BCAS3: variants seen among roughly 807,000 people sequenced by gnomAD.
The protein encoded by BCAS3 is BCAS3 microtubule associated cell migration factor, also known as BCAS4/BCAS3 fusion.
BCAS3 carries 53 observed loss-of-function variants against 116.1 expected under a neutral mutation model. The ratio of observed to expected loss-of-function variants is 0.46; its 90% CI spans 0.37 to 0.57. The LOEUF (loss-of-function observed/expected upper bound fraction) is 0.57. BCAS3 is among the 20% of genes least tolerant of loss of function. The probability of loss-of-function intolerance (pLI) is 0.00; values close to 1 mark genes in which losing one functional copy is unlikely to be tolerated. For synonymous variants in BCAS3, 391 were observed against 408.2 expected (o/e 0.96, Z 0.51); for missense variants, 917 against 1,165.4 (o/e 0.79, Z 3.10).
At chr17:60,946,369 A>C (rs2060496574) in intron 13 of BCAS3, among the ~76,000 whole-genome samples, 1 of 152,218 alleles carries the variant, frequency 6.6e-6, no homozygotes, top group Admixed American at 6.5e-5. Context: ...TGAAACTTTT[A>C]CAAGGAAAGA....
rs1460121765 is a variant in BCAS3 at position 61,276,036 on chromosome 17, A to G, written c.2426-92291A>G. ...GCAACCTATTTTGCAAGGTTGTAGG[A>G]TATACTATCAGTATATAAAAATCAC... is the stretch of plus-strand genomic sequence containing the variant. On this transcript the variant is annotated intron_variant, in intron 22 of 23. Coordinates refer to ENST00000407086, the MANE Select transcript of BCAS3 (RefSeq NM_017679.5). The surrounding 1 kb of genome is among the most constrained non-coding windows in gnomAD (Gnocchi z 4.2). Among the ~76,000 whole-genome samples the G allele has an allele frequency of 1.3e-5, 2 of 152,146 alleles. No homozygotes were observed. Among genetic ancestry groups the G allele is most frequent in the Non-Finnish European group, 2.9e-5 (2 of 68,022 alleles).
At chr17:61,101,835 T>C (rs1055876343) in intron 22 of BCAS3, among the ~76,000 whole-genome samples, 4 of 152,156 alleles carry the variant, frequency 2.6e-5, no homozygotes, top group Admixed American at 6.5e-5. Flanking sequence ...GATATGAAAG[T>C]ATACCCATTA....
At chr17:61,221,965 A>T (rs1427493822) in intron 22 of BCAS3, among the ~76,000 whole-genome samples, 1 of 152,226 alleles carries the variant, frequency 6.6e-6, no homozygotes, top group Non-Finnish European at 1.5e-5. Flanking sequence ...ATTAAATAAG[A>T]TAATGCAGTA....
intron 22 of BCAS3, among the ~76,000 whole-genome samples, chr17:61,240,189 A>G (rs563588006): frequency 6.6e-6 from 1 of 152,332 alleles, no homozygotes; most frequent in South Asian, 2.1e-4. Context: ...TAGGCACTCT[A>G]CAGACATAAT....
chr17:60,707,705 TAAAATAAC>T (rs1208670633), intron 4 of BCAS3, among the ~76,000 whole-genome samples: 7 of 152,032 alleles, frequency 4.6e-5, no homozygotes, highest in Admixed American at 6.6e-5. Context: ...TTTTTAAAAA[TAAAATAAC>T]TATTGCATTT....
rs10671633 is a variant in BCAS3, at chr17:61,095,844, T to TACAC, written c.2425+11306_2425+11309dup. On this transcript the variant is annotated intron_variant, in intron 22 of 23. Coordinates refer to ENST00000407086, the MANE Select transcript of BCAS3 (RefSeq NM_017679.5). The surrounding 1 kb of genome is among the most constrained non-coding windows in gnomAD (Gnocchi z 4.7). ...AAAACCACTGGTATGCATATTCTCG[T>TACAC]ACACACACACACACACACACACACA... Among the ~76,000 whole-genome samples the TACAC allele has an allele frequency of 4.3e-3, 626 of 146,334 alleles. 1 individual carries two copies. Among genetic ancestry groups the TACAC allele is most frequent in the Middle Eastern group, 7.0e-3 (2 of 284 alleles).
At chr17:60,765,750 T>G (rs913218019) in intron 6 of BCAS3, among the ~76,000 whole-genome samples, 1 of 152,222 alleles carries the variant, frequency 6.6e-6, no homozygotes, top group Non-Finnish European at 1.5e-5. Flanking sequence ...CTTGCTATGT[T>G]GGGGGAGTTC....
chr17:60,724,762 T>C (rs1426387965), intron 5 of BCAS3, among the ~76,000 whole-genome samples: 1 of 151,872 alleles, frequency 6.6e-6, no homozygotes, highest in Non-Finnish European at 1.5e-5. Flanking sequence ...GGTTGTTGTT[T>C]TTACCTTTAG....
In BCAS3 at chr17:61,285,386, T is replaced by C. The variant is rs2051667780; in HGVS notation, c.2426-82941T>C. Among the ~76,000 whole-genome samples, 1 of 152,154 alleles carries C rather than the reference T, an allele frequency of 6.6e-6. No homozygotes were observed. Among genetic ancestry groups the C allele is most frequent in the South Asian group, 2.1e-4 (1 of 4,824 alleles). ...ACATAACTTCCAGGTCTGAATACTT[T>C]GTTTTCTGCAGATTTTCAACAGGTG... On this transcript the variant is annotated intron_variant, in intron 22 of 23. Transcript: ENST00000407086. The surrounding 1 kb of genome is among the most constrained non-coding windows in gnomAD (Gnocchi z 5.4).
chr17:61,164,552 C>T (rs947116384), intron 22 of BCAS3, among the ~76,000 whole-genome samples: 7 of 152,060 alleles, frequency 4.6e-5, no homozygotes, highest in Admixed American at 1.3e-4. Flanking sequence ...ATGCTGTTAT[C>T]GCAGGAGTAG....
At chr17:61,027,755 T>C (rs1277610702) in intron 16 of BCAS3, among the ~76,000 whole-genome samples, 1 of 151,878 alleles carries the variant, frequency 6.6e-6, no homozygotes, top group Non-Finnish European at 1.5e-5. Flanking sequence ...GTATTAAATG[T>C]ACCTATGTAA....
At chr17:61,238,817 A>G (rs1161569189) in intron 22 of BCAS3, among the ~76,000 whole-genome samples, 1 of 151,660 alleles carries the variant, frequency 6.6e-6, no homozygotes, top group East Asian at 1.9e-4. Flanking sequence ...GGCTTCTGGG[A>G]GGGGTGATTG....
intron 10 of BCAS3, among the ~76,000 whole-genome samples, chr17:60,901,455 T>C (rs2057889844): frequency 6.6e-6 from 1 of 152,232 alleles, no homozygotes; most frequent in African/African-American, 2.4e-5. Context: ...TCAAATTCTT[T>C]ATTGTACTCT....
At chr17:60,877,434 C>A (rs561715902) in intron 9 of BCAS3, among the ~76,000 whole-genome samples, 2 of 152,198 alleles carry the variant, frequency 1.3e-5, no homozygotes, top group Admixed American at 1.3e-4. Flanking sequence ...AAACATAAGT[C>A]AAATTTGATA....
intron 15 of BCAS3, 128 bp from the exon 16 acceptor site, chr17:61,015,623 G>A: frequency 2.2e-6 from 2 of 900,002 alleles, no homozygotes; most frequent in Non-Finnish European, 3.5e-6. Context: ...TAATTCTCTT[G>A]GCATCAATTC....
chr17:60,806,077 A>C (rs142745797), intron 6 of BCAS3, among the ~76,000 whole-genome samples: 1 of 151,448 alleles, frequency 6.6e-6, no homozygotes, highest in South Asian at 2.1e-4. Flanking sequence ...GGGTTTCACC[A>C]TGTTGGCCAG....
At chr17:61,240,212 C>A (rs780854505) in intron 22 of BCAS3, among the ~76,000 whole-genome samples, 1 of 152,196 alleles carries the variant, frequency 6.6e-6, no homozygotes, top group Non-Finnish European at 1.5e-5. Context: ...CTTCTACTTA[C>A]AACCATCCTG....
intron 7 of BCAS3, among the ~76,000 whole-genome samples, chr17:60,816,683 A>G (rs1418469253): frequency 2.0e-5 from 3 of 152,206 alleles, no homozygotes; most frequent in Non-Finnish European, 2.9e-5. Context: ...TCTATGCAAA[A>G]CATTTTATTT....
At chr17:61,150,011 T>A (rs1479747753) in intron 22 of BCAS3, among the ~76,000 whole-genome samples, 9 of 152,034 alleles carry the variant, frequency 5.9e-5, no homozygotes, top group Non-Finnish European at 1.2e-4. Flanking sequence ...GAATATCAGG[T>A]GTTTGCAGAT....
Sources: allele counts gnomAD v4.1 joint callset (sites outside exome capture counted in the v4.1 genomes callset), GRCh38; gene constraint gnomAD v4.1.1; non-coding constraint Gnocchi (gnomAD v3.1); transcripts MANE v1.5; gene names NCBI Gene and HGNC (gene_info 2026-07-23, HGNC 2026-07-21).